The following CLDN14 variants were observed in gnomAD, a reference collection of about 807,000 sequenced individuals.
CLDN14 encodes claudin 14, also known as claudin-14.
In CLDN14, 2 loss-of-function variants were observed where a neutral mutation model predicts 2.1. The observed-to-expected ratio is 0.96, with a 90% CI of 0.39 to 3.01. The LOEUF (loss-of-function observed/expected upper bound fraction) is 3.01, where lower values mean the gene tolerates loss of function less well. Ranked by LOEUF, CLDN14 falls within the 30% of genes most tolerant of loss-of-function variation. The pLI, the probability that CLDN14 is intolerant of heterozygous loss-of-function variation, is 0.09. For missense variants in CLDN14, 298 were observed against 328.0 expected, an observed-to-expected ratio of 0.91 and a Z score of 0.71; for synonymous variants, 136 against 154.4, an observed-to-expected ratio of 0.88 and a Z score of 0.88.
At chr21:36,559,347 C>T (rs2087619058) in intron 1 of CLDN14, among the ~76,000 whole-genome samples, 2 of 152,216 alleles carry the variant, frequency 1.3e-5, no homozygotes, top group Non-Finnish European at 2.9e-5. Context: ...TAGGCACCCG[C>T]CACCACGCCC....
intron 1 of CLDN14, among the ~76,000 whole-genome samples, chr21:36,511,307 C>T (rs565610062): frequency 2.6e-5 from 4 of 152,318 alleles, no homozygotes; most frequent in Admixed American, 6.5e-5. Flanking sequence ...GGAAGCACAA[C>T]GTTGCCATCT....
intron 1 of CLDN14, among the ~76,000 whole-genome samples, chr21:36,566,746 A>T (rs1290385425): frequency 6.6e-6 from 1 of 152,218 alleles, no homozygotes; most frequent in African/African-American, 2.4e-5. Context: ...CAAATCTCCA[A>T]AACCTAAATG....
At chr21:36,523,766 AG>A (rs2087294240) in intron 1 of CLDN14, among the ~76,000 whole-genome samples, 2 of 23,850 alleles carry the variant, frequency 8.4e-5, no homozygotes, top group Non-Finnish European at 3.2e-4. Flanking sequence ...AAAAAAAGAA[AG>A]AAAGAGAGAA....
At chr21:36,503,637 G>T (rs545907167) in intron 2 of CLDN14, among the ~76,000 whole-genome samples, 1 of 152,062 alleles carries the variant, frequency 6.6e-6, no homozygotes, top group Non-Finnish European at 1.5e-5. Context: ...TCTTTCCTTT[G>T]TAAATTGCCC....
intron 1 of CLDN14, among the ~76,000 whole-genome samples, chr21:36,514,935 G>A (rs1049704018): frequency 2.0e-5 from 3 of 152,000 alleles, no homozygotes; most frequent in African/African-American, 7.3e-5. Flanking sequence ...GAACCCTAAG[G>A]TCACTCAGAG....
At position 36,573,608 on chromosome 21, in the gene CLDN14, T is replaced by G. The variant is rs934891356; in HGVS notation, c.-220+2803A>C. 2.0e-5 allele frequency among the ~76,000 whole-genome samples: 3 copies of G among 152,164 alleles called. No homozygotes were observed. In the East Asian group the frequency reaches 5.8e-4, roughly 29 times the overall value. On this transcript the variant is annotated intron_variant, in intron 1 of 2. Transcript: ENST00000342108. ...AATACATGGTGAAAACTACAACACT[T>G]CAGTTTCTTAATTTATTTACTATCT...
chr21:36,502,206 C>A (rs1004078688), intron 2 of CLDN14, among the ~76,000 whole-genome samples: 2 of 152,158 alleles, frequency 1.3e-5, no homozygotes, highest in Non-Finnish European at 2.9e-5. Context: ...TTGTGCATAC[C>A]AGGAAACAAC....
upstream of CLDN14, among the ~76,000 whole-genome samples, chr21:36,481,363 G>A (rs999365600): frequency 5.3e-5 from 8 of 152,156 alleles, no homozygotes; most frequent in South Asian, 2.1e-4. Context: ...ATATATAGGG[G>A]TACCAGCATA....
intron 1 of CLDN14, among the ~76,000 whole-genome samples, chr21:36,467,340 G>A (rs563176594): frequency 1.2e-4 from 18 of 152,274 alleles, no homozygotes; most frequent in African/African-American, 2.6e-4. Flanking sequence ...CATGGGGATC[G>A]CCTGGCCAGG....
At chr21:36,484,037 T>G (rs985132501), upstream of CLDN14, among the ~76,000 whole-genome samples, 5 of 152,194 alleles carry the variant, frequency 3.3e-5, no homozygotes, top group African/African-American at 9.6e-5. Flanking sequence ...CTGAGGAGGA[T>G]GCAGGACTTA....
At chr21:36,572,718 G>T (rs1490795096) in intron 1 of CLDN14, among the ~76,000 whole-genome samples, 1 of 152,114 alleles carries the variant, frequency 6.6e-6, no homozygotes, top group Non-Finnish European at 1.5e-5. Context: ...CTGAAACTTT[G>T]ATTTAAACCT....
At chr21:36,487,306 C>T in intron 2 of CLDN14, 1 of 231,838 alleles carries the variant, frequency 4.3e-6, no homozygotes, top group East Asian at 1.3e-4. Flanking sequence ...GAATGACATA[C>T]TATGTTGACA....
intron 1 of CLDN14, among the ~76,000 whole-genome samples, chr21:36,550,614 T>C (rs78059543): frequency 0.056 from 8,478 of 152,262 alleles, 256 homozygotes; most frequent in South Asian, 0.1. Flanking sequence ...ACCACAGGCC[T>C]GGATCACATG....
At chr21:36,536,995 A>G (rs940167596) in intron 1 of CLDN14, among the ~76,000 whole-genome samples, 1 of 152,186 alleles carries the variant, frequency 6.6e-6, no homozygotes, top group African/African-American at 2.4e-5. Flanking sequence ...GTTCAAGACC[A>G]CCCTGACCAA....
At chr21:36,473,829 G>A (rs951642725) in intron 1 of CLDN14, among the ~76,000 whole-genome samples, 4 of 152,212 alleles carry the variant, frequency 2.6e-5, no homozygotes, top group African/African-American at 7.2e-5. Context: ...AGGAATGGGC[G>A]ATAGTGAACG....
chr21:36,465,544 A>G (rs1189309309), intron 1 of CLDN14, among the ~76,000 whole-genome samples: 1 of 152,116 alleles, frequency 6.6e-6, no homozygotes, highest in African/African-American at 2.4e-5. Context: ...CCCCGCAACT[A>G]CTTTTCACTT....
rs1281051885 is a variant in CLDN14, at chr21:36,461,231, G to A, written c.465C>T (p.Gly155=). Residue 155 remains glycine (G), a synonymous_variant, in exon 2 of 2, where the codon GGC becomes GGT. Coordinates refer to ENST00000399135, the MANE Select transcript of CLDN14 (RefSeq NM_001146079.2). ...QNFYNPLLPS[G]MKFEIGQALY... is the part of the protein sequence containing the mutation. ...GGGCCTGGCCAATCTCAAACTTCAT[G>A]CCGCTGGGCAGCAGCGGGTTGTAGA... The A allele has an allele frequency of 1.2e-6, 2 of 1,614,086 alleles. No individual in the cohort carries two copies. Among genetic ancestry groups the A allele is most frequent in the Admixed American group, 3.3e-5 (2 of 60,028 alleles).
chr21:36,523,656 GA>G (rs998433795), intron 1 of CLDN14, among the ~76,000 whole-genome samples: 47 of 150,738 alleles, frequency 3.1e-4, no homozygotes, highest in African/African-American at 1.1e-3. Flanking sequence ...GCTAAGGCAG[GA>G]GAATCGCTTG....
At chr21:36,500,046 A>G (rs929527108) in intron 2 of CLDN14, among the ~76,000 whole-genome samples, 8 of 152,168 alleles carry the variant, frequency 5.3e-5, no homozygotes, top group African/African-American at 1.9e-4. Context: ...TGCTTTTGGA[A>G]ACACCCTGGG....
Sources: allele counts gnomAD v4.1 joint callset (sites outside exome capture counted in the v4.1 genomes callset), GRCh38; gene constraint gnomAD v4.1.1; transcripts MANE v1.5; gene names NCBI Gene and HGNC (gene_info 2026-07-23, HGNC 2026-07-21).